Variants in ARHGAP44 observed in about 807,000 individuals in gnomAD.
ARHGAP44 encodes the protein Rho GTPase activating protein 44, also known as rho GTPase-activating protein 44.
A neutral mutation model predicts 106.8 loss-of-function variants in ARHGAP44; 43 were observed. The ratio of observed to expected loss-of-function variants is 0.40; its 90% confidence interval spans 0.32 to 0.52. The LOEUF (loss-of-function observed/expected upper bound fraction) is 0.52. Among genes scored for constraint, ARHGAP44 ranks in the 20% least tolerant of loss-of-function variants. ARHGAP44 has a pLI of 0.48. For synonymous variants in ARHGAP44, 439 were observed against 410.3 expected (o/e 1.07, Z -0.85); for missense variants, 866 against 1,050.5 (o/e 0.82, Z 2.43).
chr17:12,973,333 T>A lies in ARHGAP44; in HGVS notation c.1541+14T>A. 1 of 1,606,146 alleles carries A rather than the reference T, an allele frequency of 6.2e-7. No individual in the cohort carries two copies. Among genetic ancestry groups the A allele is most frequent in the Non-Finnish European group, 8.5e-7 (1 of 1,176,112 alleles). On this transcript the variant is annotated intron_variant, in intron 17 of 20. Coordinates refer to ENST00000379672, the MANE Select transcript of ARHGAP44 (RefSeq NM_014859.6). ...GAAAATCCAAAGGTATGGTATCCTC[T>A]GGTAGCTATGAGGCCATGCTCAGTC...
chr17:12,923,388 G>C (rs900965401), intron 6 of ARHGAP44, among the ~76,000 whole-genome samples: 3 of 151,878 alleles, frequency 2.0e-5, no homozygotes, highest in Admixed American at 1.3e-4. Flanking sequence ...TGTATTTTTA[G>C]TAATTTTAGT....
chr17:12,913,966 C>CT (rs1362756858), intron 4 of ARHGAP44, among the ~76,000 whole-genome samples: 1 of 21,648 alleles, frequency 4.6e-5, no homozygotes, highest in Non-Finnish European at 1.2e-4. Context: ...GAGATTTTGT[C>CT]TCAAAAAAAA....
intron 18 of ARHGAP44, among the ~76,000 whole-genome samples, chr17:12,977,636 G>A (rs898344040): frequency 2.0e-5 from 3 of 152,150 alleles, no homozygotes; most frequent in African/African-American, 7.2e-5. Context: ...TGTTCAGGTA[G>A]CGCCCCTAGT....
intron 20 of ARHGAP44, among the ~76,000 whole-genome samples, chr17:12,989,101 C>CAAAAAAAA (rs71144942): frequency 7.3e-4 from 33 of 45,150 alleles, no homozygotes; most frequent in Admixed American, 1.4e-3. Flanking sequence ...CCACCCCCCC[C>CAAAAAAAA]AAAAAAAAAA....
intron 1 of ARHGAP44, among the ~76,000 whole-genome samples, chr17:12,892,280 A>G: frequency 6.6e-6 from 1 of 152,064 alleles, no homozygotes; most frequent in African/African-American, 2.4e-5. Context: ...ACTTTCTTTT[A>G]GTCTCCATTT....
chr17:12,902,435 T>C (rs2037400129), intron 3 of ARHGAP44, among the ~76,000 whole-genome samples: 1 of 152,228 alleles, frequency 6.6e-6, no homozygotes, highest in Non-Finnish European at 1.5e-5. Flanking sequence ...CCCTATTTTA[T>C]TTTCTTCATA....
At chr17:12,916,193 G>C (rs2150950400) in intron 5 of ARHGAP44, among the ~76,000 whole-genome samples, 182 bp downstream of exon 5, 1 of 152,162 alleles carries the variant, frequency 6.6e-6, no homozygotes. Flanking sequence ...TTTAGCATTT[G>C]CTACCCCTTC....
chr17:12,906,673 A>C (rs926984115), intron 3 of ARHGAP44, among the ~76,000 whole-genome samples: 7 of 152,094 alleles, frequency 4.6e-5, no homozygotes, highest in African/African-American at 1.7e-4. Context: ...GGTGGTTAAC[A>C]CCTGCAATCC....
intron 1 of ARHGAP44, among the ~76,000 whole-genome samples, chr17:12,795,162 G>T (rs151083602): frequency 1.3e-5 from 2 of 152,312 alleles, no homozygotes; most frequent in African/African-American, 2.4e-5. Context: ...CCCAAAGAGC[G>T]CTGTGCACAT....
chr17:12,971,230 C>A (rs7208362), intron 16 of ARHGAP44, among the ~76,000 whole-genome samples: 80,558 of 151,944 alleles, frequency 0.53, 22,507 homozygotes, highest in African/African-American at 0.71. Flanking sequence ...CAAGCTGACA[C>A]CTTCCCTTGG....
At chr17:12,831,101 T>G (rs930732309) in intron 1 of ARHGAP44, among the ~76,000 whole-genome samples, 2 of 152,246 alleles carry the variant, frequency 1.3e-5, no homozygotes, top group African/African-American at 4.8e-5. Context: ...ATTGAGTGTT[T>G]ACTATGCTCC....
intron 1 of ARHGAP44, among the ~76,000 whole-genome samples, chr17:12,893,642 G>A (rs2037112984): frequency 6.6e-6 from 1 of 152,170 alleles, no homozygotes; most frequent in South Asian, 2.1e-4. Flanking sequence ...GTTACAGCCT[G>A]GTAGGAGTAG....
chr17:12,943,729 G>A (rs2038766932), intron 9 of ARHGAP44, 60 bp downstream of exon 9: 4 of 1,528,424 alleles, frequency 2.6e-6, no homozygotes, highest in Non-Finnish European at 3.6e-6. Context: ...CTTCCCGGAT[G>A]AGATGAATTC....
intron 1 of ARHGAP44, among the ~76,000 whole-genome samples, chr17:12,801,081 GA>G (rs1318579548): frequency 1.3e-5 from 2 of 152,318 alleles, no homozygotes; most frequent in African/African-American, 4.8e-5. Context: ...AAAGGTAAGA[GA>G]AAGTTCTTTG....
chr17:12,935,769 G>A (rs2038529844), intron 7 of ARHGAP44, among the ~76,000 whole-genome samples: 1 of 152,070 alleles, frequency 6.6e-6, no homozygotes, highest in Non-Finnish European at 1.5e-5. Context: ...ATGATGTAGA[G>A]AAAAATTTGA....
intron 7 of ARHGAP44, among the ~76,000 whole-genome samples, chr17:12,932,324 T>C (rs906085397): frequency 2.6e-5 from 4 of 152,264 alleles, no homozygotes; most frequent in African/African-American, 9.6e-5. Context: ...TTATACACAT[T>C]CTTAATTTGG....
intron 20 of ARHGAP44, chr17:12,986,580 G>A (rs1171944633): frequency 6.6e-6 from 1 of 151,776 alleles, no homozygotes; most frequent in Non-Finnish European, 1.5e-5. Context: ...CAGCTACTTG[G>A]GAGGCTGAGG....
intron 1 of ARHGAP44, among the ~76,000 whole-genome samples, chr17:12,862,079 G>A (rs1268577832): frequency 2.0e-5 from 3 of 152,142 alleles, no homozygotes; most frequent in South Asian, 2.1e-4. Flanking sequence ...CTGGGAATTA[G>A]GATGTGGACT....
At chr17:12,972,518 G>C (rs999175828) in intron 16 of ARHGAP44, among the ~76,000 whole-genome samples, 2 of 151,516 alleles carry the variant, frequency 1.3e-5, no homozygotes, top group African/African-American at 4.8e-5. Context: ...TGTGGTGGCG[G>C]GTGCCTGTAA....
Sources: gnomAD v4.1 joint callset for allele counts (sites outside exome capture counted in the v4.1 genomes callset) on GRCh38, gnomAD v4.1.1 for gene constraint, MANE v1.5 for transcripts, NCBI Gene and HGNC (gene_info 2026-07-23, HGNC 2026-07-21) for gene names.